The following VPS41 variants were observed in gnomAD, a reference collection of about 807,000 sequenced individuals.
VPS41 encodes vacuolar protein sorting-associated protein 41 homolog.
A neutral mutation model predicts 130.9 loss-of-function variants in VPS41; 85 were observed. The observed-to-expected ratio is 0.65, with a 90% CI of 0.55 to 0.78. VPS41 has a LOEUF of 0.78. VPS41 is among the 30% of genes least tolerant of loss of function. The probability of loss-of-function intolerance (pLI) is 0.00; values close to 1 mark genes in which losing one functional copy is unlikely to be tolerated. For synonymous variants in VPS41, 335 were observed against 332.9 expected, an observed-to-expected ratio of 1.01 and a Z score of -0.07; for missense variants, 874 against 1,018.7, an observed-to-expected ratio of 0.86 and a Z score of 1.93.
intron 4 of VPS41, among the ~76,000 whole-genome samples, chr7:38,832,731 G>A (rs184068408): frequency 2.6e-5 from 4 of 151,922 alleles, no homozygotes; most frequent in African/African-American, 9.7e-5. Context: ...CACCTAATTG[G>A]AGCACGTAGC....
intron 7 of VPS41, among the ~76,000 whole-genome samples, chr7:38,799,584 T>C (rs748948124): frequency 2.2e-4 from 34 of 152,162 alleles, no homozygotes; most frequent in Non-Finnish European, 4.6e-4. Context: ...AGGCACATTA[T>C]TCATGGATAG....
At chr7:38,748,933 T>C (rs1262305399) in intron 22 of VPS41, among the ~76,000 whole-genome samples, 1 of 152,108 alleles carries the variant, frequency 6.6e-6, no homozygotes, top group Non-Finnish European at 1.5e-5. Context: ...TCTATCCACC[T>C]AACTGCACTT....
At chr7:38,889,561 A>AC (rs1278742471) in intron 2 of VPS41, among the ~76,000 whole-genome samples, 2 of 76,204 alleles carry the variant, frequency 2.6e-5, no homozygotes, top group Non-Finnish European at 7.7e-5. Flanking sequence ...AAACAAAACA[A>AC]AAAAAAAAAA....
At chr7:38,786,399 A>C (rs1227995006) in intron 10 of VPS41, among the ~76,000 whole-genome samples, 1 of 152,172 alleles carries the variant, frequency 6.6e-6, no homozygotes, top group East Asian at 1.9e-4. Context: ...TATATTTGTT[A>C]CTTCAGGTGC....
intron 12 of VPS41, 80 bp downstream of exon 12, chr7:38,774,035 A>T: frequency 7.3e-7 from 1 of 1,369,630 alleles, no homozygotes; most frequent in Non-Finnish European, 9.9e-7. Flanking sequence ...ACCTTAATTT[A>T]AATTCCATTT....
chr7:38,787,619 AAG>A (rs1784463460), intron 10 of VPS41, among the ~76,000 whole-genome samples: 1 of 152,284 alleles, frequency 6.6e-6, no homozygotes, highest in East Asian at 1.9e-4. Context: ...TTGTAACAGA[AAG>A]AGTTATAAAC....
intron 2 of VPS41, among the ~76,000 whole-genome samples, chr7:38,885,499 A>T (rs958675565): frequency 8.5e-5 from 13 of 152,180 alleles, no homozygotes; most frequent in African/African-American, 3.1e-4. Context: ...TGCACTACTA[A>T]TTCTACTCAG....
At position 38,802,220 on chromosome 7, in the gene VPS41, C is replaced by T. The variant is rs180760279; in HGVS notation, c.451-5356G>A. Among the ~76,000 whole-genome samples, 703 of 152,256 alleles carry T rather than the reference C, an allele frequency of 4.6e-3. 4 individuals carry two copies. The highest frequency in any genetic ancestry group is 0.016 in the African/African-American group (659 of 41,544). Reference sequence around the variant, plus strand: ...GAACTGGCCACACGTTTGGCCTGAACGGTAATTTCTGAAATGTGTCTGCAG... The same window carrying T: ...GAACTGGCCACACGTTTGGCCTGAATGGTAATTTCTGAAATGTGTCTGCAG... On this transcript the variant is annotated intron_variant, in intron 7 of 28. Transcript: ENST00000310301.
rs376007863 is a variant in VPS41 at position 38,821,151 on chromosome 7, T to C, written c.384+52A>G. The C allele has an allele frequency of 1.9e-3, 2,611 of 1,350,086 alleles. 7 individuals carry two copies. Among genetic ancestry groups the C allele is most frequent in the Non-Finnish European group, 2.5e-3 (2,352 of 943,104 alleles). 83.6% of individuals were successfully genotyped at this position (1,350,086 alleles called of 1,614,324 possible). A position where few individuals can be genotyped will look rare whatever the true frequency, so the allele number is the denominator to read the frequency against. On this transcript the variant is annotated intron_variant, in intron 6 of 28. Coordinates refer to ENST00000310301, the MANE Select transcript of VPS41 (RefSeq NM_014396.4). ...AATGTTCAAATTACTGTAATCCATATTGCCTTACTTGAGAAAACCCTTAGA... is the reference window on the plus strand; with the variant it reads ...AATGTTCAAATTACTGTAATCCATACTGCCTTACTTGAGAAAACCCTTAGA...
chr7:38,822,502 T>C (rs1785191766), intron 5 of VPS41, among the ~76,000 whole-genome samples: 4 of 152,234 alleles, frequency 2.6e-5, no homozygotes, highest in African/African-American at 7.2e-5. Flanking sequence ...TTGGATATAG[T>C]AGAGGTTGCT....
intron 4 of VPS41, among the ~76,000 whole-genome samples, chr7:38,852,466 C>T (rs1785880023): frequency 6.6e-6 from 1 of 152,196 alleles, no homozygotes; most frequent in African/African-American, 2.4e-5. Context: ...TGGTTGTGGT[C>T]ATTGGGTTGA....
chr7:38,830,108 C>T lies in VPS41; in HGVS notation c.321+146G>A, dbSNP rs7790054. On this transcript the variant is annotated intron_variant, in intron 5 of 28. Transcript: ENST00000310301. ...CATTTGTGCAAAATATATTTTACTT[C>T]AATTATGACCAATCAGAAGCAAGTT... is the stretch of plus-strand genomic sequence containing the variant. 0.92 allele frequency: 600,546 copies of T among 653,248 alleles called. 276,572 individuals are homozygous for T. Among genetic ancestry groups the T allele is most frequent in the East Asian group, 1 (39,916 of 39,952 alleles). The allele number at this position is 653,248 out of a possible 1,614,324, so 40.5% of individuals were successfully genotyped here.
At chr7:38,772,986 T>C (rs1784184747) in intron 12 of VPS41, among the ~76,000 whole-genome samples, 1 of 152,172 alleles carries the variant, frequency 6.6e-6, no homozygotes, top group African/African-American at 2.4e-5. Flanking sequence ...TGACTTCAGC[T>C]GAAAAAGTGT....
At chr7:38,767,674 G>T in intron 14 of VPS41, 76 bp from the exon 15 acceptor site, 1 of 1,057,068 alleles carries the variant, frequency 9.5e-7, no homozygotes, top group Non-Finnish European at 1.4e-6. Flanking sequence ...TTCTGCACAG[G>T]GCATAACATT....
chr7:38,838,873 T>C (rs571892619), intron 4 of VPS41, among the ~76,000 whole-genome samples: 104 of 152,316 alleles, frequency 6.8e-4, no homozygotes, highest in Admixed American at 2.7e-3. Flanking sequence ...TTAATGGTGT[T>C]CTTTGTGGCA....
intron 2 of VPS41, among the ~76,000 whole-genome samples, chr7:38,885,408 T>C (rs1185040837): frequency 6.6e-6 from 1 of 152,232 alleles, no homozygotes; most frequent in Non-Finnish European, 1.5e-5. Flanking sequence ...CCATAGCACA[T>C]TGTTTATGTT....
At chr7:38,775,933 C>T (rs1301314429) in intron 11 of VPS41, among the ~76,000 whole-genome samples, 2 of 152,030 alleles carry the variant, frequency 1.3e-5, no homozygotes, top group African/African-American at 4.8e-5. Context: ...AAAAGAAAAT[C>T]CTTTACAGTA....
chr7:38,797,214 G>A (rs745527120), intron 7 of VPS41, among the ~76,000 whole-genome samples: 2 of 152,302 alleles, frequency 1.3e-5, no homozygotes, highest in Non-Finnish European at 1.5e-5. Context: ...AATTTATTTT[G>A]TAAATTGGGA....
chr7:38,810,607 T>C (rs1342703032), intron 7 of VPS41, among the ~76,000 whole-genome samples: 1 of 152,208 alleles, frequency 6.6e-6, no homozygotes, highest in Non-Finnish European at 1.5e-5. Flanking sequence ...AGGTGGCATA[T>C]AATTCCAACG....
Sources: gnomAD v4.1 joint callset for allele counts (sites outside exome capture counted in the v4.1 genomes callset) on GRCh38, gnomAD v4.1.1 for gene constraint, MANE v1.5 for transcripts, NCBI Gene and HGNC (gene_info 2026-07-23, HGNC 2026-07-21) for gene names.